Variants in TP53BP1 observed in about 807,000 individuals in gnomAD.
The protein encoded by TP53BP1 is tumor protein p53 binding protein 1.
TP53BP1 carries 61 observed loss-of-function variants against 200.8 expected under a neutral mutation model. The observed-to-expected ratio is 0.30, with a 90% CI of 0.25 to 0.38. The LOEUF (loss-of-function observed/expected upper bound fraction) is 0.38, where lower values mean the gene tolerates loss of function less well. Among genes scored for constraint, TP53BP1 ranks in the 10% least tolerant of loss-of-function variants. TP53BP1 has a pLI of 1.00. For synonymous variants in TP53BP1, 822 were observed against 844.3 expected (o/e 0.97, Z 0.46); for missense variants, 2,144 against 2,371.9 (o/e 0.90, Z 2.00).
intron 11 of TP53BP1, among the ~76,000 whole-genome samples, chr15:43,467,264 A>T (rs1339159624): frequency 1.3e-5 from 2 of 151,956 alleles, no homozygotes; most frequent in Admixed American, 6.6e-5. Context: ...GGGTCTCGCT[A>T]TGTTGCCCAG....
At chr15:43,479,713 G>C in intron 6 of TP53BP1, 146 bp downstream of exon 6, 1 of 1,181,198 alleles carries the variant, frequency 8.5e-7, no homozygotes, top group Non-Finnish European at 1.2e-6. Flanking sequence ...CAATTGACAA[G>C]TATTTACCAG....
chr15:43,407,311 G>T lies in TP53BP1; in HGVS notation c.*72C>A. ...ATGCAAGGAATCCAGTTACACACAA[G>T]ACACATTTAAAACCTGGTTAAAACA... On this transcript the variant is annotated 3_prime_UTR_variant, in exon 28 of 28. Transcript: ENST00000382044. 1.5e-6 allele frequency: 2 copies of T among 1,339,946 alleles called. No homozygotes were observed. Among genetic ancestry groups the T allele is most frequent in the South Asian group, 1.3e-5 (1 of 77,312 alleles). The allele number at this position is 1,339,946 out of a possible 1,614,324, so 83.0% of individuals were successfully genotyped here.
intron 12 of TP53BP1, among the ~76,000 whole-genome samples, chr15:43,453,902 T>C (rs555379014): frequency 5.0e-4 from 75 of 149,788 alleles, no homozygotes; most frequent in Non-Finnish European, 8.9e-4. Flanking sequence ...ACTTAGACAA[T>C]GGGTATAAAA....
At position 43,421,913 on chromosome 15, in the gene TP53BP1, C is replaced by G. The variant is rs377516466; in HGVS notation, c.4042G>C (p.Gly1348Arg). The G allele has an allele frequency of 1.2e-6, 2 of 1,614,178 alleles. No homozygotes were observed. The highest frequency in any genetic ancestry group is 1.7e-6 in the Non-Finnish European group (2 of 1,180,036). The change falls in exon 19 of 28, where the codon GGG becomes CGG. Residue 1348 changes from glycine (G) to arginine (R), a missense_variant. Physicochemically the swap from Gly to Arg is moderately radical, Grantham distance 125. Around this residue, in one of 4 missense-constraint regions of TP53BP1, gnomAD observed 1,700 missense variants for 1,710.3 expected, o/e 0.99. Coordinates refer to ENST00000382044, the MANE Select transcript of TP53BP1 (RefSeq NM_001141980.3). ...GAGPLRGKTS[G>R]TEPADFALPS... is the part of the protein sequence containing the mutation. ...AAGGCAAAATCTGCGGGTTCTGTCCCGCTGGTTTTCCCTCTGAGTGGTCCG... is the reference window on the plus strand; with the variant it reads ...AAGGCAAAATCTGCGGGTTCTGTCCGGCTGGTTTTCCCTCTGAGTGGTCCG...
chr15:43,506,965 T>C (rs896128257), intron 1 of TP53BP1, among the ~76,000 whole-genome samples: 8 of 152,162 alleles, frequency 5.3e-5, no homozygotes, highest in African/African-American at 1.4e-4. Flanking sequence ...TTCATTTACA[T>C]AGGATGTAAT....
chr15:43,406,976 C>CTGTT lies in TP53BP1; in HGVS notation c.*403_*406dup, dbSNP rs1476358527. 3 of 231,654 alleles carry CTGTT rather than the reference C, an allele frequency of 1.3e-5. No homozygotes were observed. The highest frequency in any genetic ancestry group is 2.6e-5 in the Non-Finnish European group (3 of 116,070). 14.3% of individuals were successfully genotyped at this position (231,654 alleles called of 1,614,324 possible). A position where few individuals can be genotyped will look rare whatever the true frequency, so the allele number is the denominator to read the frequency against. On this transcript the variant is annotated 3_prime_UTR_variant, in exon 28 of 28. Transcript: ENST00000382044. Reference sequence around the variant, plus strand: ...CAATTCCACTCAACTTTTGGCACAACTGTTAATCTGGGCCTTCACCTACCT... The same window carrying CTGTT: ...CAATTCCACTCAACTTTTGGCACAACTGTTTGTTAATCTGGGCCTTCACCTACCT...
intron 17 of TP53BP1, among the ~76,000 whole-genome samples, chr15:43,430,550 G>C (rs756759401): frequency 2.0e-5 from 3 of 152,144 alleles, no homozygotes; most frequent in African/African-American, 7.2e-5. Flanking sequence ...ATCAAAATGA[G>C]AGGTATATCA....
At chr15:43,467,687 C>T (rs565693605) in intron 11 of TP53BP1, among the ~76,000 whole-genome samples, 5 of 152,218 alleles carry the variant, frequency 3.3e-5, no homozygotes, top group South Asian at 2.1e-4. Flanking sequence ...ATAAAAGTCT[C>T]GTTTGGTCAC....
At chr15:43,470,087 C>G (rs757179825) in intron 10 of TP53BP1, 21 bp from the exon 11 acceptor site, 26 of 1,586,620 alleles carry the variant, frequency 1.6e-5, no homozygotes, top group Admixed American at 1.5e-4. Flanking sequence ...ACAGGAGAAA[C>G]AAATTGAGAA....
Position 43,403,514 on chromosome 15 carries a change from T to G in TP53BP1, c.*3869A>C, listed in dbSNP as rs12299. 1,626 of 580,264 alleles carry G rather than the reference T, an allele frequency of 2.8e-3. 22 individuals are homozygous for G. The highest frequency in any genetic ancestry group is 0.027 in the African/African-American group (1,452 of 53,486). 35.9% of individuals were successfully genotyped at this position (580,264 alleles called of 1,614,324 possible). On this transcript the variant is annotated 3_prime_UTR_variant, in exon 28 of 28. Transcript: ENST00000382044. ...AAGGATGCATTTGTTTTACGCATTTTGTGCGTCTGAGGGGCTGGCAGGCCT... is the reference window on the plus strand; with the variant it reads ...AAGGATGCATTTGTTTTACGCATTTGGTGCGTCTGAGGGGCTGGCAGGCCT...
chr15:43,407,592 G>A, intron 27 of TP53BP1, 22 bp from the exon 28 acceptor site: 1 of 1,597,658 alleles, frequency 6.3e-7, no homozygotes, highest in Middle Eastern at 1.7e-4. Flanking sequence ...AAGGGAAAGT[G>A]AAGAAGGAAA....
intron 23 of TP53BP1, 95 bp downstream of exon 23, chr15:43,415,499 G>A (rs1343523999): frequency 1.5e-6 from 2 of 1,318,666 alleles, no homozygotes; most frequent in African/African-American, 1.4e-5. Flanking sequence ...CAGGACAGAA[G>A]GGCCACTGCC....
In TP53BP1 at chr15:43,407,370, A is replaced by G; in HGVS notation, c.*13T>C. ...ACGATAGCAGGGAATAAAACCAGTAAGACCAAGTATCTTTAGTGAGAAACA... is the reference window on the plus strand; with the variant it reads ...ACGATAGCAGGGAATAAAACCAGTAGGACCAAGTATCTTTAGTGAGAAACA... On this transcript the variant is annotated 3_prime_UTR_variant, in exon 28 of 28. Coordinates refer to ENST00000382044, the MANE Select transcript of TP53BP1 (RefSeq NM_001141980.3). The G allele has an allele frequency of 1.9e-6, 3 of 1,612,700 alleles. No individual in the cohort carries two copies. Among genetic ancestry groups the G allele is most frequent in the Non-Finnish European group, 2.5e-6 (3 of 1,178,782 alleles).
intron 11 of TP53BP1, among the ~76,000 whole-genome samples, chr15:43,468,501 C>T (rs2601016): frequency 1.3e-5 from 2 of 149,630 alleles, no homozygotes; most frequent in South Asian, 2.1e-4. Context: ...GAGCCATGGT[C>T]GCACCACTGC....
chr15:43,440,526 C>CA (rs11390071), intron 15 of TP53BP1, among the ~76,000 whole-genome samples: 31,823 of 138,714 alleles, frequency 0.23, 4,058 homozygotes, highest in African/African-American at 0.35. Context: ...AAAAAAAAAA[C>CA]AAAAAAAAAA....
chr15:43,444,401 ATGCC>A (rs2045995952), intron 14 of TP53BP1, among the ~76,000 whole-genome samples: 1 of 152,190 alleles, frequency 6.6e-6, no homozygotes, highest in South Asian at 2.1e-4. Context: ...ACCAACCACC[ATGCC>A]TGGCAATAAG....
rs140509706 is a variant in TP53BP1 at position 43,430,571 on chromosome 15, T to C, written c.3675+1623A>G. ...ATGAGAGGTATATCAATAATGAAGATTTCCTAAGTAGATCCCAAATGAAGA... is the reference window on the plus strand; with the variant it reads ...ATGAGAGGTATATCAATAATGAAGACTTCCTAAGTAGATCCCAAATGAAGA... On this transcript the variant is annotated intron_variant, in intron 17 of 27. Transcript: ENST00000382044. 4.1e-3 allele frequency among the ~76,000 whole-genome samples: 629 copies of C among 152,264 alleles called. 3 individuals carry two copies. The highest frequency in any genetic ancestry group is 6.8e-3 in the Non-Finnish European group (461 of 68,008).
At chr15:43,451,755 G>A (rs577852211) in intron 12 of TP53BP1, among the ~76,000 whole-genome samples, 21 of 152,298 alleles carry the variant, frequency 1.4e-4, no homozygotes, top group African/African-American at 2.9e-4. Context: ...CTGAGGAATC[G>A]CCACAGTGAC....
intron 11 of TP53BP1, 75 bp downstream of exon 11, chr15:43,469,783 G>A (rs2046677925): frequency 1.7e-6 from 2 of 1,171,742 alleles, no homozygotes; most frequent in Non-Finnish European, 2.5e-6. Flanking sequence ...GAATTTTATG[G>A]TATGTAAATT....
Sources: allele counts gnomAD v4.1 joint callset (sites outside exome capture counted in the v4.1 genomes callset), GRCh38; gene constraint gnomAD v4.1.1; regional missense constraint gnomAD v4.1.1; transcripts MANE v1.5; gene names NCBI Gene and HGNC (gene_info 2026-07-23, HGNC 2026-07-21).